Variants in CBFB observed in about 807,000 individuals in gnomAD.
CBFB encodes the protein core-binding factor subunit beta.
Under a neutral mutation model 30.4 loss-of-function variants are expected in CBFB, and 9 were observed. The ratio of observed to expected loss-of-function variants is 0.30; its 90% CI spans 0.18 to 0.52. The LOEUF (loss-of-function observed/expected upper bound fraction) is 0.52, where lower values mean the gene tolerates loss of function less well. CBFB is among the 20% of genes least tolerant of loss of function. The pLI is 0.97. For synonymous variants in CBFB, 94 were observed against 84.0 expected (o/e 1.12, Z -0.65); for missense variants, 170 against 244.0 (o/e 0.70, Z 2.02).
intron 3 of CBFB, among the ~76,000 whole-genome samples, chr16:67,041,375 T>A (rs960375513): frequency 2.6e-5 from 4 of 152,176 alleles, no homozygotes; most frequent in Non-Finnish European, 5.9e-5. Context: ...ACCAGGGTGG[T>A]AGCAGTAGAG....
chr16:67,040,118 T>A (rs942770647), intron 3 of CBFB, among the ~76,000 whole-genome samples: 2 of 152,236 alleles, frequency 1.3e-5, no homozygotes, highest in Non-Finnish European at 2.9e-5. Context: ...TCCGTGGAGC[T>A]CAGACTGTGG....
intron 3 of CBFB, among the ~76,000 whole-genome samples, chr16:67,037,332 T>C (rs1199848244): frequency 6.6e-6 from 1 of 152,206 alleles, no homozygotes; most frequent in Admixed American, 6.5e-5. Context: ...TGAGGAGATA[T>C]ATTTTGTTTA....
intron 3 of CBFB, among the ~76,000 whole-genome samples, chr16:67,061,378 G>C (rs192215845): frequency 2.0e-5 from 3 of 152,278 alleles, no homozygotes; most frequent in Admixed American, 2.0e-4. Flanking sequence ...AGGACAATGG[G>C]TTTAATCCCT....
At chr16:67,046,302 T>C (rs1228856024) in intron 3 of CBFB, among the ~76,000 whole-genome samples, 1 of 152,128 alleles carries the variant, frequency 6.6e-6, no homozygotes, top group African/African-American at 2.4e-5. Context: ...GGTCTCACCA[T>C]GTTGCCCAGG....
chr16:67,051,809 C>T (rs1301235443), intron 3 of CBFB, among the ~76,000 whole-genome samples: 1 of 148,864 alleles, frequency 6.7e-6, no homozygotes, highest in African/African-American at 2.5e-5. Flanking sequence ...AGCGCAGTGG[C>T]GTGATCTTGG....
chr16:67,058,031 A>G (rs902442980), intron 3 of CBFB, among the ~76,000 whole-genome samples: 4 of 152,186 alleles, frequency 2.6e-5, no homozygotes, highest in East Asian at 1.9e-4. Context: ...GATATTTCAG[A>G]TATTTCATTG....
intron 1 of CBFB, 111 bp from the exon 2 acceptor site, chr16:67,029,616 C>A: frequency 7.7e-7 from 1 of 1,297,762 alleles, no homozygotes; most frequent in Non-Finnish European, 1.1e-6. Flanking sequence ...CTCGCCGGGG[C>A]GGCCATCGCC....
chr16:67,069,974 G>GT (rs1961172818), intron 4 of CBFB, among the ~76,000 whole-genome samples: 1 of 152,148 alleles, frequency 6.6e-6, no homozygotes, highest in Non-Finnish European at 1.5e-5. Context: ...AAGTGACAGA[G>GT]TGAGTCCCTG....
Position 67,099,459 on chromosome 16 carries a change from G to A in CBFB, c.*681G>A, listed in dbSNP as rs1199170617. On this transcript the variant is annotated 3_prime_UTR_variant, in exon 6 of 6. Coordinates refer to ENST00000412916, the MANE Select transcript of CBFB (RefSeq NM_022845.3). ...AATAGAGACAGGGTCTCGCAGTGTT[G>A]CCCAGGCTGGTCTCGAACTCCTGGC... is the stretch of plus-strand genomic sequence containing the variant. 2 of 201,524 alleles carry A rather than the reference G, an allele frequency of 9.9e-6. No individual in the cohort carries two copies. The highest frequency in any genetic ancestry group is 2.3e-5 in the African/African-American group (1 of 42,730). The allele number at this position is 201,524 out of a possible 1,614,324, so 12.5% of individuals were successfully genotyped here.
chr16:67,050,439 G>A (rs1032875597), intron 3 of CBFB, among the ~76,000 whole-genome samples: 1 of 151,428 alleles, frequency 6.6e-6, no homozygotes, highest in Admixed American at 6.6e-5. Flanking sequence ...ACATATATAC[G>A]TATGATAAAG....
intron 3 of CBFB, 101 bp downstream of exon 3, chr16:67,036,856 AGCATATGCT>A (rs1966447696): frequency 1.4e-6 from 1 of 738,818 alleles, no homozygotes; most frequent in African/African-American, 1.7e-5. Flanking sequence ...TGATTATACC[AGCATATGCT>A]CAGATTTGTT....
intron 4 of CBFB, among the ~76,000 whole-genome samples, chr16:67,075,447 C>T (rs1961367731): frequency 6.6e-6 from 1 of 151,982 alleles, no homozygotes; most frequent in Non-Finnish European, 1.5e-5. Context: ...GAAGACAGTA[C>T]CAAACATTGA....
At chr16:67,070,713 T>C (rs1961196595) in intron 4 of CBFB, among the ~76,000 whole-genome samples, 2 of 149,496 alleles carry the variant, frequency 1.3e-5, no homozygotes, top group South Asian at 4.2e-4. Context: ...TAGCCAGCTG[T>C]GGTGGTGTGC....
intron 2 of CBFB, among the ~76,000 whole-genome samples, chr16:67,031,646 G>C (rs772677841): frequency 7.2e-5 from 11 of 151,938 alleles, no homozygotes; most frequent in African/African-American, 2.4e-4. Context: ...GAGTAGCTGG[G>C]ATTACAGGCA....
At chr16:67,084,650 C>T (rs79992787) in intron 5 of CBFB, among the ~76,000 whole-genome samples, 4,037 of 152,232 alleles carry the variant, frequency 0.027, 178 homozygotes, top group African/African-American at 0.091. Flanking sequence ...ATGTGTATTT[C>T]ACCACTTTTT....
intron 3 of CBFB, among the ~76,000 whole-genome samples, chr16:67,048,077 T>C (rs1397934751): frequency 2.7e-5 from 4 of 150,614 alleles, no homozygotes; most frequent in Admixed American, 1.3e-4. Flanking sequence ...AAAATAAAAA[T>C]AAAAATGCAG....
Position 67,099,103 on chromosome 16 carries a change from C to T in CBFB, c.*325C>T. On this transcript the variant is annotated 3_prime_UTR_variant, in exon 6 of 6. Transcript: ENST00000412916. The stretch of plus-strand genomic sequence containing the variant: ...TCCACTTTAATTTAAAAGTTCATGT[C>T]ATTTAAAAACAAGTCAAGAAATTAA... 1 of 283,826 alleles carries T rather than the reference C, an allele frequency of 3.5e-6. No individual in the cohort carries two copies. Among genetic ancestry groups the T allele is most frequent in the Non-Finnish European group, 6.5e-6 (1 of 153,078 alleles). The allele number at this position is 283,826 out of a possible 1,614,324, so 17.6% of individuals were successfully genotyped here. A position where few individuals can be genotyped will look rare whatever the true frequency, so the allele number is the denominator to read the frequency against.
chr16:67,071,158 T>A (rs956970724), intron 4 of CBFB, among the ~76,000 whole-genome samples: 2 of 152,122 alleles, frequency 1.3e-5, no homozygotes, highest in Non-Finnish European at 2.9e-5. Context: ...CAAGATAATA[T>A]AAGTAAAGAA....
chr16:67,056,250 A>G (rs1302525251), intron 3 of CBFB, among the ~76,000 whole-genome samples: 1 of 152,226 alleles, frequency 6.6e-6, no homozygotes, highest in African/African-American at 2.4e-5. Context: ...TGCCTTATGG[A>G]GAAAATGTAC....
Sources: allele counts gnomAD v4.1 joint callset (sites outside exome capture counted in the v4.1 genomes callset), GRCh38; gene constraint gnomAD v4.1.1; transcripts MANE v1.5; gene names NCBI Gene and HGNC (gene_info 2026-07-23, HGNC 2026-07-21).